Variants in CASK observed in about 807,000 individuals in gnomAD.
The protein encoded by CASK is calcium/calmodulin dependent serine protein kinase, also known as peripheral plasma membrane protein CASK.
In CASK, 4 loss-of-function variants were observed where a neutral mutation model predicts 82.9. The ratio of observed to expected loss-of-function variants is 0.05; its 90% CI spans 0.02 to 0.11. The LOEUF is 0.11. CASK is among the 10% of genes least tolerant of loss of function. CASK has a pLI of 1.00. For synonymous variants in CASK, 259 were observed against 253.5 expected, an observed-to-expected ratio of 1.02 and a Z score of -0.20; for missense variants, 358 against 720.9, an observed-to-expected ratio of 0.50 and a Z score of 5.76.
chrX:41,635,865 A>C (rs1273031611), intron 9 of CASK: 1 of 94,624 alleles, frequency 1.1e-5, no homozygotes, highest in African/African-American at 3.9e-5. Flanking sequence ...GCTTTCTGAT[A>C]GTTGTTCAAT....
At chrX:41,814,105 G>C (rs1208881396) in intron 2 of CASK, among the ~76,000 whole-genome samples, 7 of 112,131 alleles carry the variant, frequency 6.2e-5, no homozygotes, top group Non-Finnish European at 9.4e-5. Context: ...AGGTGCTGGA[G>C]AGGATGTGGA....
At chrX:41,745,869 T>C (rs1214321842) in intron 3 of CASK, among the ~76,000 whole-genome samples, 1 of 111,857 alleles carries the variant, frequency 8.9e-6, no homozygotes, top group Non-Finnish European at 1.9e-5. Context: ...ACTATAATTT[T>C]TCTTTAGGTT....
In CASK at chrX:41,665,525, GAAC is replaced by G. The variant is rs759045251; in HGVS notation, c.533-76_533-74del. The G allele has an allele frequency of 2.1e-4, 163 of 762,522 alleles. No individual in the cohort carries two copies. In the African/African-American group the frequency reaches 3.3e-3, roughly 15 times the overall value. 62.8% of individuals were successfully genotyped at this position (762,522 alleles called of 1,213,427 possible). The stretch of plus-strand genomic sequence containing the variant: ...TTTCACTTGAAAACTAAAAATAATA[GAAC>G]AATAACAATCCAAATAAAAAGTTTA... On this transcript the variant is annotated intron_variant, in intron 6 of 26. Coordinates refer to ENST00000378163, the MANE Select transcript of CASK (RefSeq NM_001367721.1).
chrX:41,740,075 G>C (rs967822741), intron 4 of CASK, among the ~76,000 whole-genome samples: 2 of 112,009 alleles, frequency 1.8e-5, no homozygotes, highest in African/African-American at 6.5e-5. Flanking sequence ...CCCTCATGGA[G>C]CACAGGTGAA....
intron 3 of CASK, among the ~76,000 whole-genome samples, chrX:41,753,839 T>C (rs1018807414): frequency 8.9e-6 from 1 of 111,788 alleles, no homozygotes; most frequent in Non-Finnish European, 1.9e-5. Context: ...TGAGCTATAA[T>C]GGCACCACTG....
At chrX:41,629,776 C>T (rs970997594) in intron 9 of CASK, among the ~76,000 whole-genome samples, 5 of 111,766 alleles carry the variant, frequency 4.5e-5, no homozygotes, top group African/African-American at 1.6e-4. Flanking sequence ...ATTTGACCCC[C>T]AGGTCATAGT....
intron 15 of CASK, among the ~76,000 whole-genome samples, chrX:41,574,996 T>C (rs919966935): frequency 8.9e-6 from 1 of 112,501 alleles, no homozygotes; most frequent in African/African-American, 3.2e-5. Flanking sequence ...TATTCAAGTT[T>C]CATTTCCAAC....
intron 2 of CASK, among the ~76,000 whole-genome samples, chrX:41,852,231 G>A (rs902025650): frequency 9.0e-6 from 1 of 111,328 alleles, no homozygotes; most frequent in Non-Finnish European, 1.9e-5. Flanking sequence ...CAAACTTGAA[G>A]CTCACAATAT....
At chrX:41,635,707 C>CTTTTTT (rs201709660) in intron 9 of CASK, 14 of 76,689 alleles carry the variant, frequency 1.8e-4, no homozygotes, top group Non-Finnish European at 2.8e-4. Context: ...TCTTCTTCTT[C>CTTTTTT]TTTTTTTTTT....
intron 1 of CASK, among the ~76,000 whole-genome samples, chrX:41,922,611 T>C (rs1244196900): frequency 2.7e-5 from 3 of 112,048 alleles, no homozygotes; most frequent in Middle Eastern, 4.6e-3. Flanking sequence ...AAGGTAACAA[T>C]AACCCCAACT....
At chrX:41,751,404 T>C (rs770631138) in intron 3 of CASK, among the ~76,000 whole-genome samples, 1 of 111,499 alleles carries the variant, frequency 9.0e-6, no homozygotes, top group South Asian at 3.7e-4. Flanking sequence ...AAACAAAAAG[T>C]TTTTGTTAAA....
intron 5 of CASK, among the ~76,000 whole-genome samples, chrX:41,725,112 ATG>A (rs961283476): frequency 8.9e-6 from 1 of 111,906 alleles, no homozygotes; most frequent in African/African-American, 3.2e-5. Context: ...CAAACTTACA[ATG>A]AAGCATATGG....
intron 26 of CASK, among the ~76,000 whole-genome samples, chrX:41,522,547 C>T (rs780443363): frequency 3.0e-4 from 34 of 111,954 alleles, no homozygotes; most frequent in African/African-American, 9.4e-4. Flanking sequence ...AGCAAATGTG[C>T]ATTCACCCAA....
intron 21 of CASK, among the ~76,000 whole-genome samples, chrX:41,553,318 C>T (rs1280172022): frequency 1.8e-5 from 2 of 111,723 alleles, no homozygotes; most frequent in Non-Finnish European, 3.8e-5. Context: ...AGCACTGCAC[C>T]TACATTTTTT....
intron 24 of CASK, among the ~76,000 whole-genome samples, chrX:41,533,352 G>A (rs2064831537): frequency 8.9e-6 from 1 of 112,291 alleles, no homozygotes; most frequent in African/African-American, 3.2e-5. Context: ...TAGACATAAG[G>A]AGAATTAAAA....
intron 12 of CASK, among the ~76,000 whole-genome samples, chrX:41,595,632 C>T (rs2065810723): frequency 9.0e-6 from 1 of 111,095 alleles, no homozygotes; most frequent in African/African-American, 3.3e-5. Context: ...AAGAGGAGAT[C>T]TTAGATGTCA....
chrX:41,918,382 A>T (rs769425332), intron 1 of CASK, among the ~76,000 whole-genome samples: 1 of 112,645 alleles, frequency 8.9e-6, no homozygotes, highest in Admixed American at 9.4e-5. Flanking sequence ...TGGAATCACA[A>T]GTATGTAATT....
intron 11 of CASK, among the ~76,000 whole-genome samples, chrX:41,612,273 G>A (rs1310024617): frequency 1.8e-5 from 2 of 108,510 alleles, no homozygotes; most frequent in Non-Finnish European, 3.8e-5. Flanking sequence ...CTGCCTGGCC[G>A]CCCATCGTCT....
chrX:41,555,446 G>A (rs1487252963), intron 20 of CASK, among the ~76,000 whole-genome samples, 154 bp downstream of exon 20: 1 of 111,898 alleles, frequency 8.9e-6, no homozygotes, highest in Non-Finnish European at 1.9e-5. Context: ...TAGAGAATTA[G>A]TCATGTGTAA....
Sources: allele counts gnomAD v4.1 joint callset (sites outside exome capture counted in the v4.1 genomes callset), GRCh38; gene constraint gnomAD v4.1.1; transcripts MANE v1.5; gene names NCBI Gene and HGNC (gene_info 2026-07-23, HGNC 2026-07-21).